Variants in ABCB1 observed in about 807,000 individuals in gnomAD.
ABCB1 encodes the protein ATP-dependent translocase ABCB1.
Under a neutral mutation model 142.0 loss-of-function variants are expected in ABCB1, and 69 were observed. That is an observed-to-expected ratio of 0.49 (90% confidence interval 0.40 to 0.59). ABCB1 has a LOEUF of 0.59. Among genes scored for constraint, ABCB1 ranks in the 20% least tolerant of loss-of-function variants. ABCB1 has a pLI of 0.00. For missense variants in ABCB1, 1,326 were observed against 1,554.7 expected (o/e 0.85, Z 2.47); for synonymous variants, 532 against 539.2 (o/e 0.99, Z 0.18).
intron 1 of ABCB1, among the ~76,000 whole-genome samples, chr7:87,702,228 A>G (rs2130702747): frequency 6.6e-6 from 1 of 151,286 alleles, no homozygotes; most frequent in South Asian, 2.1e-4. Context: ...TTTTCATAAA[A>G]ATGTGTTATT....
At chr7:87,709,869 C>A (rs1829912788) in intron 1 of ABCB1, among the ~76,000 whole-genome samples, 1 of 152,078 alleles carries the variant, frequency 6.6e-6, no homozygotes, top group South Asian at 2.1e-4. Flanking sequence ...CTCTTATATT[C>A]TTTAGTTCTA....
intron 1 of ABCB1, among the ~76,000 whole-genome samples, chr7:87,670,407 G>A (rs185391466): frequency 6.6e-6 from 1 of 152,046 alleles, no homozygotes; most frequent in South Asian, 2.1e-4. Context: ...CCTTGGATTG[G>A]GTTTTGCCAT....
chr7:87,639,140 T>C (rs28865664), intron 1 of ABCB1, among the ~76,000 whole-genome samples: 22,119 of 119,374 alleles, frequency 0.19, 2,906 homozygotes, highest in African/African-American at 0.42. Context: ...GGCGACAGAG[T>C]GAGACTCCGT....
At chr7:87,514,478 C>T (rs1016692017) in intron 25 of ABCB1, among the ~76,000 whole-genome samples, 4 of 152,088 alleles carry the variant, frequency 2.6e-5, no homozygotes, top group African/African-American at 9.7e-5. Context: ...GTTCTTTTTA[C>T]ATTTCCCAAA....
chr7:87,566,250 A>G lies in ABCB1; in HGVS notation c.531-9T>C. 1 of 1,613,364 alleles carries G rather than the reference A, an allele frequency of 6.2e-7. No homozygotes were observed. Among genetic ancestry groups the G allele is most frequent in the African/African-American group, 1.3e-5 (1 of 75,068 alleles). On this transcript the variant is annotated splice_polypyrimidine_tract_variant and intron_variant, in intron 6 of 27. Coordinates refer to ENST00000622132, the MANE Select transcript of ABCB1 (RefSeq NM_001348946.2). ...TAATCTTGGAGACATCACTGAAAGA[A>G]CAGATAGTGTTAGAAATAATTGTCA...
chr7:87,666,317 C>T (rs935143402), intron 1 of ABCB1, among the ~76,000 whole-genome samples: 3 of 152,124 alleles, frequency 2.0e-5, no homozygotes, highest in South Asian at 2.1e-4. Flanking sequence ...ATGTCTTTTG[C>T]CCACATTTTT....
intron 1 of ABCB1, among the ~76,000 whole-genome samples, chr7:87,672,559 G>A (rs1394067804): frequency 6.6e-6 from 1 of 152,184 alleles, no homozygotes; most frequent in African/African-American, 2.4e-5. Context: ...CAGGGGTCCA[G>A]CCTTCCACTT....
intron 4 of ABCB1, among the ~76,000 whole-genome samples, chr7:87,576,073 T>C (rs948225435): frequency 9.2e-5 from 14 of 152,130 alleles, no homozygotes; most frequent in Non-Finnish European, 2.1e-4. Context: ...CCTTTTCACC[T>C]ACAAAATTCT....
chr7:87,574,329 G>A (rs546782555), intron 4 of ABCB1, among the ~76,000 whole-genome samples: 2 of 152,126 alleles, frequency 1.3e-5, no homozygotes, highest in African/African-American at 4.8e-5. Flanking sequence ...CTGAAACTAT[G>A]TTGGCCTCCA....
At chr7:87,643,675 C>T (rs1398233930) in intron 1 of ABCB1, among the ~76,000 whole-genome samples, 1 of 151,320 alleles carries the variant, frequency 6.6e-6, no homozygotes, top group East Asian at 1.9e-4. Flanking sequence ...TGCATGCCGC[C>T]ATGCTCAGCT....
Position 87,549,930 on chromosome 7 carries a change from C to T in ABCB1, c.1475G>A (p.Arg492His), listed in dbSNP as rs199941458. 1.4e-5 allele frequency: 23 copies of T among 1,614,062 alleles called. No homozygotes were observed. Among genetic ancestry groups the T allele is most frequent in the Admixed American group, 6.7e-5 (4 of 60,006 alleles). Residue 492 changes from arginine (R) to histidine (H), a missense_variant, in exon 13 of 28, where the codon CGT becomes CAT. Arg to His is a conservative substitution (Grantham distance 29). Transcript: ENST00000622132. The part of the protein sequence containing the change: ...TTIAENIRYG[R>H]ENVTMDEIEK... ...AATCTCATCCATGGTGACATTTTCA[C>T]GGCCATAGCGAATGTTTTCAGCTAT...
intron 1 of ABCB1, among the ~76,000 whole-genome samples, chr7:87,620,456 T>C (rs1820184994): frequency 6.6e-6 from 1 of 152,176 alleles, no homozygotes. Context: ...CGTTTCTAAT[T>C]GATGTTTAGT....
intron 7 of ABCB1, chr7:87,564,271 T>C (rs1360810929): frequency 3.0e-6 from 1 of 337,674 alleles, no homozygotes; most frequent in Non-Finnish European, 5.7e-6. Flanking sequence ...TGAGCTGTGG[T>C]TCCAGGAGCG....
At chr7:87,567,043 C>CCACT in intron 5 of ABCB1, 67 bp from the exon 6 acceptor site, 12 of 1,452,566 alleles carry the variant, frequency 8.3e-6, no homozygotes, top group Non-Finnish European at 7.7e-6. Context: ...TCCAAAGAGA[C>CCACT]CACTCATTCC....
intron 1 of ABCB1, among the ~76,000 whole-genome samples, chr7:87,618,419 C>T (rs1413518695): frequency 6.6e-6 from 1 of 152,090 alleles, no homozygotes; most frequent in Non-Finnish European, 1.5e-5. Flanking sequence ...TTGGGGACTA[C>T]CAGTAGGCTG....
chr7:87,569,948 C>T, intron 5 of ABCB1, among the ~76,000 whole-genome samples: 1 of 151,850 alleles, frequency 6.6e-6, no homozygotes, highest in Middle Eastern at 3.4e-3. Context: ...ATATGATATT[C>T]TACATTGATC....
At chr7:87,540,234 C>A (rs1816477862) in intron 18 of ABCB1, among the ~76,000 whole-genome samples, 1 of 152,080 alleles carries the variant, frequency 6.6e-6, no homozygotes, top group South Asian at 2.1e-4. Flanking sequence ...AAGTGATTAC[C>A]TACTACTGCC....
chr7:87,663,763 C>T (rs1490868096), intron 1 of ABCB1, among the ~76,000 whole-genome samples: 1 of 152,050 alleles, frequency 6.6e-6, no homozygotes, highest in African/African-American at 2.4e-5. Context: ...ATTTATTTCT[C>T]AGTTCTGGAG....
chr7:87,614,878 C>T (rs1166352803), intron 1 of ABCB1, among the ~76,000 whole-genome samples: 2 of 151,692 alleles, frequency 1.3e-5, no homozygotes, highest in Admixed American at 1.3e-4. Context: ...CGGAGTCATG[C>T]TCTGCTGCCC....
Sources: gnomAD v4.1 joint callset for allele counts (sites outside exome capture counted in the v4.1 genomes callset) on GRCh38, gnomAD v4.1.1 for gene constraint, MANE v1.5 for transcripts, NCBI Gene and HGNC (gene_info 2026-07-23, HGNC 2026-07-21) for gene names.